The following CMTM7 variants were observed in gnomAD, a reference collection of about 807,000 sequenced individuals.
CMTM7 encodes CKLF like MARVEL transmembrane domain containing 7, also known as CKLF-like MARVEL transmembrane domain-containing protein 7.
In CMTM7, 7 loss-of-function variants were observed where a neutral mutation model predicts 19.3. That is an observed-to-expected ratio of 0.36 (90% CI 0.21 to 0.68). The LOEUF is 0.68. CMTM7 is among the 30% of genes least tolerant of loss of function. The pLI is 0.60. For missense variants in CMTM7, 193 were observed against 232.6 expected (o/e 0.83, Z 1.11); for synonymous variants, 87 against 99.3 (o/e 0.88, Z 0.74).
At chr3:32,394,160 A>G (rs555624862) in intron 1 of CMTM7, among the ~76,000 whole-genome samples, 1 of 152,202 alleles carries the variant, frequency 6.6e-6, no homozygotes, top group South Asian at 2.1e-4. Context: ...AGGGCTATCT[A>G]CTTGGGCCTC....
chr3:32,414,011 C>T (rs1696220544), intron 1 of CMTM7, among the ~76,000 whole-genome samples: 1 of 152,130 alleles, frequency 6.6e-6, no homozygotes, highest in Non-Finnish European at 1.5e-5. Context: ...AAGGCCTGGT[C>T]TGCTTGCTTC....
intron 1 of CMTM7, among the ~76,000 whole-genome samples, chr3:32,433,061 A>T (rs924364261): frequency 6.6e-6 from 1 of 152,230 alleles, no homozygotes; most frequent in African/African-American, 2.4e-5. Context: ...CCCCAAAAGA[A>T]ACCAGGAAAT....
intron 1 of CMTM7, among the ~76,000 whole-genome samples, chr3:32,433,902 C>A (rs997484434): frequency 3.3e-5 from 5 of 152,250 alleles, no homozygotes; most frequent in Admixed American, 3.3e-4. Context: ...AAAAATAAAT[C>A]CCAGGCTGGG....
chr3:32,402,370 C>T (rs1338348119), intron 1 of CMTM7, among the ~76,000 whole-genome samples: 1 of 152,120 alleles, frequency 6.6e-6, no homozygotes, highest in African/African-American at 2.4e-5. Context: ...CCTTGGCCTC[C>T]CAAAGTGCTG....
chr3:32,443,839 C>T (rs542067281), intron 2 of CMTM7, among the ~76,000 whole-genome samples: 2 of 152,242 alleles, frequency 1.3e-5, no homozygotes, highest in African/African-American at 4.8e-5. Context: ...TTTTCATGTG[C>T]TTTTGGCCAT....
chr3:32,392,748 C>T (rs1695858882), intron 1 of CMTM7, among the ~76,000 whole-genome samples: 1 of 152,226 alleles, frequency 6.6e-6, no homozygotes, highest in South Asian at 2.1e-4. Context: ...TGTAGGGGAG[C>T]CAGACTGTTG....
At chr3:32,440,164 T>C (rs1390418332) in intron 1 of CMTM7, among the ~76,000 whole-genome samples, 1 of 152,090 alleles carries the variant, frequency 6.6e-6, no homozygotes, top group African/African-American at 2.4e-5. Flanking sequence ...CACAGCACTT[T>C]GGGGAGCTGG....
intron 1 of CMTM7, among the ~76,000 whole-genome samples, chr3:32,400,463 G>A (rs527489390): frequency 1.4e-5 from 2 of 147,308 alleles, no homozygotes; most frequent in East Asian, 4.0e-4. Context: ...AGTGGCGCGG[G>A]CTCACTGCAA....
rs553220180 is a variant in CMTM7, at chr3:32,449,768, C to G, written c.432+216C>G. 6.6e-6 allele frequency among the ~76,000 whole-genome samples: 1 copy of G among 152,188 alleles called. No individual in the cohort carries two copies. The highest frequency in any genetic ancestry group is 6.5e-5 in the Admixed American group (1 of 15,288). The stretch of plus-strand genomic sequence containing the variant: ...CAGGGCTGCCAGCAAATTCATAGAC[C>G]CCAGCAGCCCAGGCCTCTCTCTCTT... On this transcript the variant is annotated intron_variant, in intron 3 of 4. Coordinates refer to ENST00000334983, the MANE Select transcript of CMTM7 (RefSeq NM_138410.4). This position sits in a 1 kb window ranked among gnomAD's most constrained non-coding sequence, Gnocchi z 4.5.
intron 1 of CMTM7, among the ~76,000 whole-genome samples, chr3:32,406,600 T>C (rs1696095052): frequency 6.6e-6 from 1 of 152,216 alleles, no homozygotes; most frequent in Non-Finnish European, 1.5e-5. Context: ...GGAGTCTAAG[T>C]AGGGAACAAG....
chr3:32,410,854 A>G (rs1232662433), intron 1 of CMTM7, among the ~76,000 whole-genome samples: 2 of 152,264 alleles, frequency 1.3e-5, no homozygotes, highest in African/African-American at 4.8e-5. Context: ...AGTGTCTGTC[A>G]GCTCATCAAG....
chr3:32,420,459 G>T (rs959050413), intron 1 of CMTM7, among the ~76,000 whole-genome samples: 1 of 152,210 alleles, frequency 6.6e-6, no homozygotes, highest in African/African-American at 2.4e-5. Context: ...GGAGGTCTTT[G>T]TTTTCACTTG....
At chr3:32,393,360 C>T (rs1695867343) in intron 1 of CMTM7, among the ~76,000 whole-genome samples, 1 of 152,128 alleles carries the variant, frequency 6.6e-6, no homozygotes, top group African/African-American at 2.4e-5. Flanking sequence ...TTTTTTGGCC[C>T]AGGCTAAGAG....
At chr3:32,404,992 G>A (rs1274457855) in intron 1 of CMTM7, among the ~76,000 whole-genome samples, 1 of 152,234 alleles carries the variant, frequency 6.6e-6, no homozygotes, top group Non-Finnish European at 1.5e-5. Context: ...TGTTGAGAGA[G>A]GGCCTGTGAG....
chr3:32,436,153 A>G (rs763199310), intron 1 of CMTM7, among the ~76,000 whole-genome samples: 2 of 152,298 alleles, frequency 1.3e-5, no homozygotes, highest in East Asian at 3.9e-4. Flanking sequence ...TTGGGTTTCT[A>G]TGGCATTTTC....
intron 1 of CMTM7, among the ~76,000 whole-genome samples, chr3:32,417,168 C>T (rs1312583230): frequency 6.6e-6 from 1 of 152,160 alleles, no homozygotes; most frequent in Non-Finnish European, 1.5e-5. Flanking sequence ...GATCCGTCAC[C>T]ACAGTGTGTA....
intron 1 of CMTM7, among the ~76,000 whole-genome samples, chr3:32,424,492 A>C (rs1696396288): frequency 6.6e-6 from 1 of 152,146 alleles, no homozygotes. Flanking sequence ...CCATTTTTGG[A>C]AAACACAGCC....
In CMTM7 at chr3:32,441,922, C is replaced by T; in HGVS notation, c.242C>T (p.Thr81Ile). 2 of 1,614,176 alleles carry T rather than the reference C, an allele frequency of 1.2e-6. No homozygotes were observed. The highest frequency in any genetic ancestry group is 1.7e-6 in the Non-Finnish European group (2 of 1,180,022). Residue 81 changes from threonine (T) to isoleucine (I), a missense_variant, in exon 2 of 5, where the codon ACC becomes ATC. Thr to Ile is a moderately conservative substitution (Grantham distance 89, BLOSUM62 -1). Transcript: ENST00000334983. ...YSAYSYFEVV[T>I]ICDLIMILAF... ...GCCTACAGCTACTTTGAAGTGGTCA[C>T]CATTTGCGACTTGATAATGATCCTC... is the stretch of plus-strand genomic sequence containing the variant.
At chr3:32,451,073 T>C (rs1696822884) in intron 3 of CMTM7, 1 of 152,166 alleles carries the variant, frequency 6.6e-6, no homozygotes, top group Non-Finnish European at 1.5e-5. Context: ...CGGGATGGTA[T>C]ATAACGTGCT....
Sources: gnomAD v4.1 joint callset for allele counts (sites outside exome capture counted in the v4.1 genomes callset) on GRCh38, gnomAD v4.1.1 for gene constraint, Gnocchi (gnomAD v3.1) non-coding constraint, MANE v1.5 for transcripts, NCBI Gene and HGNC (gene_info 2026-07-23, HGNC 2026-07-21) for gene names.